Variants in ARHGAP8 observed in about 807,000 individuals in gnomAD.
The protein encoded by ARHGAP8 is Rho GTPase activating protein 8.
In ARHGAP8, 62 loss-of-function variants were observed where a neutral mutation model predicts 46.1. That is an observed-to-expected ratio of 1.34 (90% CI 1.10 to 1.66). The LOEUF is 1.66. ARHGAP8 is among the 40% of genes most tolerant of loss of function. The pLI is 0.00. For missense variants in ARHGAP8, 923 were observed against 568.4 expected (o/e 1.62, Z -6.34); for synonymous variants, 375 against 243.1 (o/e 1.54, Z -5.05).
At chr22:44,827,338 T>TA (rs2147125918) in intron 7 of ARHGAP8, among the ~76,000 whole-genome samples, 1 of 97,252 alleles carries the variant, frequency 1.0e-5, no homozygotes, top group South Asian at 4.6e-4. Flanking sequence ...GGGTGGTGGT[T>TA]TTTTTTTTTT....
At chr22:44,834,228 A>G (rs1174068723) in intron 7 of ARHGAP8, among the ~76,000 whole-genome samples, 2 of 151,940 alleles carry the variant, frequency 1.3e-5, no homozygotes, top group Non-Finnish European at 2.9e-5. Context: ...TTTAAGGTGG[A>G]ATGTTTATCA....
At chr22:44,812,311 A>C (rs1021871468) in intron 4 of ARHGAP8, among the ~76,000 whole-genome samples, 1 of 149,348 alleles carries the variant, frequency 6.7e-6, no homozygotes, top group African/African-American at 2.5e-5. Flanking sequence ...AGCCACTGCT[A>C]CTGCCCCCCG....
chr22:44,808,522 T>C (rs977889183), intron 4 of ARHGAP8, 84 bp downstream of exon 4: 2 of 1,555,522 alleles, frequency 1.3e-6, no homozygotes, highest in African/African-American at 2.7e-5. Flanking sequence ...GGTCGCAGAG[T>C]GTGCAGTGGG....
intron 8 of ARHGAP8, among the ~76,000 whole-genome samples, chr22:44,846,027 A>T (rs1001374104): frequency 1.3e-5 from 2 of 151,028 alleles, no homozygotes; most frequent in African/African-American, 4.9e-5. Flanking sequence ...CCCCATCCCC[A>T]CCACCAAGGC....
chr22:44,788,933 G>A (rs764373772), intron 2 of ARHGAP8, among the ~76,000 whole-genome samples: 1 of 152,128 alleles, frequency 6.6e-6, no homozygotes, highest in Non-Finnish European at 1.5e-5. Flanking sequence ...TATGTTATGC[G>A]TTGTTGGGCA....
intron 8 of ARHGAP8, among the ~76,000 whole-genome samples, chr22:44,846,924 C>G (rs9626577): frequency 0.21 from 31,592 of 152,038 alleles, 4,193 homozygotes; most frequent in Admixed American, 0.26. Flanking sequence ...GGCAGTGGAG[C>G]TGAGCTCTGA....
chr22:44,760,134 T>G (rs1438951930), intron 1 of ARHGAP8, among the ~76,000 whole-genome samples: 1 of 152,222 alleles, frequency 6.6e-6, no homozygotes, highest in African/African-American at 2.4e-5. Context: ...TTCGGGGGTC[T>G]CATGTATCTG....
intron 10 of ARHGAP8, among the ~76,000 whole-genome samples, chr22:44,854,071 C>G (rs2070162920): frequency 2.3e-5 from 3 of 129,490 alleles, no homozygotes; most frequent in Admixed American, 8.3e-5. Context: ...AACCATCAGA[C>G]TTTGCCTGCA....
intron 5 of ARHGAP8, among the ~76,000 whole-genome samples, chr22:44,820,469 G>C (rs769795258): frequency 6.6e-6 from 1 of 152,144 alleles, no homozygotes; most frequent in Admixed American, 6.5e-5. Flanking sequence ...TCACAGCCCC[G>C]GGGACACCCT....
At chr22:44,767,005 G>C (rs1925626415) in intron 1 of ARHGAP8, among the ~76,000 whole-genome samples, 1 of 152,218 alleles carries the variant, frequency 6.6e-6, no homozygotes, top group Non-Finnish European at 1.5e-5. Flanking sequence ...CAAAAAGTCT[G>C]GGCTTACCTG....
At chr22:44,812,420 G>T (rs542407841) in intron 4 of ARHGAP8, among the ~76,000 whole-genome samples, 1 of 149,386 alleles carries the variant, frequency 6.7e-6, no homozygotes, top group Non-Finnish European at 1.5e-5. Context: ...GCAGTGGCGC[G>T]ATCTTGGCTC....
chr22:44,859,901 G>T, intron 11 of ARHGAP8, 67 bp downstream of exon 11: 9 of 1,548,400 alleles, frequency 5.8e-6, no homozygotes, highest in Non-Finnish European at 7.9e-6. Context: ...GGGCCCGCAT[G>T]GACCAGTCCC....
At chr22:44,790,538 T>C (rs977931164) in intron 2 of ARHGAP8, among the ~76,000 whole-genome samples, 3 of 151,522 alleles carry the variant, frequency 2.0e-5, no homozygotes, top group Non-Finnish European at 4.4e-5. Flanking sequence ...TAGCCAGGTG[T>C]GGTGGCACAT....
At chr22:44,781,067 T>A (rs1441402985) in intron 1 of ARHGAP8, among the ~76,000 whole-genome samples, 1 of 152,112 alleles carries the variant, frequency 6.6e-6, no homozygotes, top group South Asian at 2.1e-4. Flanking sequence ...GCTGTCACTA[T>A]CATGTGCGCT....
At chr22:44,821,590 T>C (rs1316582543) in intron 5 of ARHGAP8, among the ~76,000 whole-genome samples, 2 of 152,368 alleles carry the variant, frequency 1.3e-5, no homozygotes, top group East Asian at 3.9e-4. Context: ...CGCATCCATC[T>C]GTCAATGATC....
intron 1 of ARHGAP8, among the ~76,000 whole-genome samples, chr22:44,764,091 C>T (rs541436954): frequency 4.7e-4 from 72 of 152,202 alleles, no homozygotes; most frequent in African/African-American, 1.7e-3. Flanking sequence ...GGATTACAGG[C>T]GTGAGCCACC....
intron 2 of ARHGAP8, 119 bp from the exon 3 acceptor site, chr22:44,801,958 G>T (rs1010478944): frequency 2.5e-6 from 3 of 1,177,396 alleles, no homozygotes; most frequent in South Asian, 1.4e-5. Flanking sequence ...TCCGAGGAAC[G>T]CTGCTGCCTG....
At chr22:44,790,181 A>T (rs1294219612) in intron 2 of ARHGAP8, among the ~76,000 whole-genome samples, 1 of 152,112 alleles carries the variant, frequency 6.6e-6, no homozygotes, top group Non-Finnish European at 1.5e-5. Flanking sequence ...CAGCTACTGG[A>T]GTCAGGGAGG....
intron 1 of ARHGAP8, among the ~76,000 whole-genome samples, chr22:44,777,974 G>A (rs969868799): frequency 2.6e-5 from 4 of 151,908 alleles, no homozygotes; most frequent in African/African-American, 9.7e-5. Context: ...GGGATTACAG[G>A]CATGAGCCAC....
Sources: gnomAD v4.1 joint callset for allele counts (sites outside exome capture counted in the v4.1 genomes callset) on GRCh38, gnomAD v4.1.1 for gene constraint, MANE v1.5 for transcripts, NCBI Gene and HGNC (gene_info 2026-07-23, HGNC 2026-07-21) for gene names.